The following FSTL5 variants were observed in gnomAD, a reference collection of about 807,000 sequenced individuals.
FSTL5 encodes the protein follistatin-related protein 5.
Under a neutral mutation model 89.1 loss-of-function variants are expected in FSTL5, and 62 were observed. The ratio of observed to expected loss-of-function variants is 0.70; its 90% confidence interval spans 0.57 to 0.86. FSTL5 has a LOEUF of 0.86. Among genes scored for constraint, FSTL5 ranks in the 40% least tolerant of loss-of-function variants. The pLI, the probability that FSTL5 is intolerant of heterozygous loss-of-function variation, is 0.00. For synonymous variants in FSTL5, 383 were observed against 346.2 expected, an observed-to-expected ratio of 1.11 and a Z score of -1.18; for missense variants, 1,057 against 1,001.6, an observed-to-expected ratio of 1.06 and a Z score of -0.75.
At chr4:162,056,957 G>A (rs971867499) in intron 2 of FSTL5, among the ~76,000 whole-genome samples, 3 of 152,158 alleles carry the variant, frequency 2.0e-5, no homozygotes, top group African/African-American at 7.2e-5. Context: ...CATCTGTTGT[G>A]AATTTCATTA....
chr4:161,835,168 T>G (rs1730994770), intron 4 of FSTL5, among the ~76,000 whole-genome samples: 1 of 151,270 alleles, frequency 6.6e-6, no homozygotes, highest in Admixed American at 6.6e-5. Context: ...AACTATCTGA[T>G]CTTTGACAAA....
intron 4 of FSTL5, among the ~76,000 whole-genome samples, chr4:161,913,130 C>T (rs903520746): frequency 2.0e-5 from 3 of 152,156 alleles, no homozygotes; most frequent in African/African-American, 4.8e-5. Context: ...AAATTTCAGC[C>T]TGACAATGCA....
chr4:161,925,432 G>C (rs1032176563), intron 3 of FSTL5, among the ~76,000 whole-genome samples: 1 of 151,722 alleles, frequency 6.6e-6, no homozygotes. Context: ...TACAATTTGG[G>C]TTTTAAAATC....
At chr4:161,845,935 A>G (rs1019417154) in intron 4 of FSTL5, among the ~76,000 whole-genome samples, 22 of 152,064 alleles carry the variant, frequency 1.4e-4, no homozygotes, top group African/African-American at 4.8e-4. Flanking sequence ...AATCCCAGCT[A>G]TACAGGAGGC....
intron 7 of FSTL5, among the ~76,000 whole-genome samples, chr4:161,643,769 A>T (rs2126670833): frequency 6.6e-6 from 1 of 152,356 alleles, no homozygotes; most frequent in Admixed American, 6.5e-5. Flanking sequence ...TGCTAGGTTT[A>T]AATGATTGAT....
chr4:162,017,672 A>G (rs992545809), intron 3 of FSTL5, among the ~76,000 whole-genome samples: 1 of 152,178 alleles, frequency 6.6e-6, no homozygotes, highest in African/African-American at 2.4e-5. Context: ...AAAATCAGAG[A>G]ACAATGGGAT....
intron 2 of FSTL5, among the ~76,000 whole-genome samples, chr4:162,092,007 A>G (rs1730569461): frequency 6.6e-6 from 1 of 151,652 alleles, no homozygotes; most frequent in Non-Finnish European, 1.5e-5. Flanking sequence ...ATTCTATATT[A>G]CATATAGAAT....
chr4:161,688,615 G>A (rs1737822850), intron 6 of FSTL5, among the ~76,000 whole-genome samples: 1 of 152,088 alleles, frequency 6.6e-6, no homozygotes, highest in Admixed American at 6.5e-5. Context: ...TCTTTAAAAA[G>A]TGTGTTATGG....
chr4:161,851,208 C>T (rs1731538481), intron 4 of FSTL5, among the ~76,000 whole-genome samples: 1 of 152,130 alleles, frequency 6.6e-6, no homozygotes, highest in South Asian at 2.1e-4. Context: ...TAGCTAATAC[C>T]TAATCAGAGC....
chr4:161,511,809 A>G (rs906218413), intron 10 of FSTL5, among the ~76,000 whole-genome samples: 3 of 152,122 alleles, frequency 2.0e-5, no homozygotes, highest in African/African-American at 7.2e-5. Flanking sequence ...CAAATTCAGC[A>G]AATGTGGACA....
At chr4:161,744,800 A>G (rs1045040175) in intron 6 of FSTL5, among the ~76,000 whole-genome samples, 7 of 152,148 alleles carry the variant, frequency 4.6e-5, no homozygotes, top group Non-Finnish European at 8.8e-5. Context: ...AAATGTGAAG[A>G]CAATTTCCTA....
At chr4:161,768,643 A>C (rs11100386) in intron 5 of FSTL5, among the ~76,000 whole-genome samples, 31,831 of 151,912 alleles carry the variant, frequency 0.21, 6,136 homozygotes, top group African/African-American at 0.51. Context: ...ATCTTCAATC[A>C]AATATTCATG....
chr4:161,901,993 G>T (rs1733380303), intron 4 of FSTL5, among the ~76,000 whole-genome samples: 1 of 152,004 alleles, frequency 6.6e-6, no homozygotes, highest in South Asian at 2.1e-4. Flanking sequence ...GCCAAATAAA[G>T]ATTAGTATAC....
intron 1 of FSTL5, among the ~76,000 whole-genome samples, chr4:162,133,359 A>G (rs1270157962): frequency 6.6e-6 from 1 of 152,212 alleles, no homozygotes; most frequent in African/African-American, 2.4e-5. Flanking sequence ...CACAGACAGT[A>G]TGTTACAAGG....
intron 1 of FSTL5, among the ~76,000 whole-genome samples, chr4:162,139,261 C>G (rs577292339): frequency 2.9e-4 from 44 of 151,958 alleles, no homozygotes; most frequent in Admixed American, 2.9e-3. Context: ...TTTTGGAGTC[C>G]CCAGTATCTA....
chr4:161,765,878 C>A (rs1469545324), intron 5 of FSTL5, among the ~76,000 whole-genome samples: 1 of 151,796 alleles, frequency 6.6e-6, no homozygotes, highest in Admixed American at 6.6e-5. Flanking sequence ...TCACTGCAAC[C>A]TTGCCTCCCG....
At chr4:162,151,606 A>G (rs1245385919) in intron 1 of FSTL5, among the ~76,000 whole-genome samples, 1 of 152,092 alleles carries the variant, frequency 6.6e-6, no homozygotes, top group Non-Finnish European at 1.5e-5. Context: ...GTCACATTCT[A>G]TTTTCTGGAT....
intron 2 of FSTL5, among the ~76,000 whole-genome samples, chr4:162,072,882 A>G (rs906851002): frequency 7.2e-5 from 11 of 151,882 alleles, no homozygotes; most frequent in Admixed American, 7.2e-4. Context: ...CTAAATCCTC[A>G]GTAGAACAAA....
chr4:161,611,638 C>T (rs1264472783), intron 7 of FSTL5, among the ~76,000 whole-genome samples: 3 of 151,984 alleles, frequency 2.0e-5, no homozygotes, highest in African/African-American at 7.3e-5. Context: ...GAAGCATATT[C>T]CAGGGAGGAG....
Sources: gnomAD v4.1 joint callset for allele counts (sites outside exome capture counted in the v4.1 genomes callset) on GRCh38, gnomAD v4.1.1 for gene constraint, MANE v1.5 for transcripts, NCBI Gene and HGNC (gene_info 2026-07-23, HGNC 2026-07-21) for gene names.